Variants in DSP observed in about 807,000 individuals in gnomAD.
DSP encodes the protein desmoplakin, also known as 250/210 kDa paraneoplastic pemphigus antigen.
In DSP, 114 loss-of-function variants were observed where a neutral mutation model predicts 290.6. That is an observed-to-expected ratio of 0.39 (90% CI 0.34 to 0.46). The LOEUF (loss-of-function observed/expected upper bound fraction) is 0.46, where lower values mean the gene tolerates loss of function less well. Among genes scored for constraint, DSP ranks in the 20% least tolerant of loss-of-function variants. The pLI, the probability that DSP is intolerant of heterozygous loss-of-function variation, is 0.99. For synonymous variants in DSP, 1,311 were observed against 1,316.4 expected, an observed-to-expected ratio of 1.00 and a Z score of 0.09; for missense variants, 3,230 against 3,495.8, an observed-to-expected ratio of 0.92 and a Z score of 1.92.
rs927601472 is a variant in DSP at position 7,562,790 on chromosome 6, T to C, written c.726+10T>C. The C allele has an allele frequency of 1.4e-5, 23 of 1,613,836 alleles. No homozygotes were observed. Among genetic ancestry groups the C allele is most frequent in the Non-Finnish European group, 1.9e-5 (23 of 1,179,868 alleles). ...AATCAAAGCCGACCTGGTACTTGTC[T>C]GTGTTTCATTTTAGAGTCTTCAAAA... On this transcript the variant is annotated intron_variant, in intron 5 of 23. Transcript: ENST00000379802.
rs1164816503 is a variant in DSP, at chr6:7,570,335, T to C, written c.1575-102T>C. On this transcript the variant is annotated intron_variant, in intron 12 of 23. Coordinates refer to ENST00000379802, the MANE Select transcript of DSP (RefSeq NM_004415.4). Reference sequence around the variant, plus strand: ...CTCTACCTGTTACTTTATCAGTGACTGTTGTAGGTTTTTGTGCAGTGGTGT... The same window carrying C: ...CTCTACCTGTTACTTTATCAGTGACCGTTGTAGGTTTTTGTGCAGTGGTGT... 8 of 1,550,454 alleles carry C rather than the reference T, an allele frequency of 5.2e-6. No individual in the cohort carries two copies. The East Asian group carries it at 1.6e-4, about 30-fold the overall frequency.
rs148743859 is a variant in DSP at position 7,583,613 on chromosome 6, T to C, written c.6351T>C (p.Asp2117=). Residue 2117 remains aspartate, a synonymous_variant, in exon 24 of 24, where the codon GAT becomes GAC. Coordinates refer to ENST00000379802, the MANE Select transcript of DSP (RefSeq NM_004415.4). This position sits in a 1 kb window ranked among gnomAD's most constrained non-coding sequence, Gnocchi z 4.0. The stretch of plus-strand genomic sequence containing the variant: ...AAGCCATCAAGAAAAATTTGATTGA[T>C]AGAGAAACCGGAATGCGCCTGCTGG... ...VSEAIKKNLI[D]RETGMRLLEA... The C allele has an allele frequency of 1.5e-4, 241 of 1,614,062 alleles. No homozygotes were observed. Among genetic ancestry groups the C allele is most frequent in the Non-Finnish European group, 2.0e-4 (232 of 1,180,040 alleles).
At chr6:7,557,570 C>T (rs545530096) in intron 2 of DSP, among the ~76,000 whole-genome samples, 2 of 152,288 alleles carry the variant, frequency 1.3e-5, no homozygotes, top group South Asian at 4.1e-4. Flanking sequence ...GTCTCAGCTA[C>T]TCAGGAGCCT....
chr6:7,542,220 G>A, intron 1 of DSP, 135 bp downstream of exon 1: 2 of 1,223,652 alleles, frequency 1.6e-6, no homozygotes, highest in African/African-American at 1.5e-5. Flanking sequence ...AGAACTTCCC[G>A]GCCGCGCTGG....
rs759868186 is a variant in DSP at position 7,559,340 on chromosome 6, C to A, written c.537C>A (p.Gly179=). ...GGGYTCQSGS[G]WDEFTKHVTS... is the part of the protein sequence containing the mutation. ...GCTACACTTGTCAGAGTGGCTCTGGCTGGGATGAGTTCACCAAACATGTCA... is the reference window on the plus strand; with the variant it reads ...GCTACACTTGTCAGAGTGGCTCTGGATGGGATGAGTTCACCAAACATGTCA... The change falls in exon 4 of 24, where the codon GGC becomes GGA. Residue 179 remains glycine (G), a synonymous_variant. Transcript: ENST00000379802. 1 of 1,613,460 alleles carries A rather than the reference C, an allele frequency of 6.2e-7. No homozygotes were observed. Among genetic ancestry groups the A allele is most frequent in the East Asian group, 2.2e-5 (1 of 44,892 alleles).
rs1759366083 is a variant in DSP at position 7,579,925 on chromosome 6, A to G, written c.3735A>G (p.Glu1245=). The change falls in exon 23 of 24, where the codon GAA becomes GAG. Residue 1245 remains glutamate, a synonymous_variant. Coordinates refer to ENST00000379802, the MANE Select transcript of DSP (RefSeq NM_004415.4). The surrounding 1 kb of genome is among the most constrained non-coding windows in gnomAD (Gnocchi z 4.1). Reference sequence around the variant, plus strand: ...ACCAGCTTGATAGACTTTCAAGGGAAAATCGAGATCTGAAGGATGAAATTG... The same window carrying G: ...ACCAGCTTGATAGACTTTCAAGGGAGAATCGAGATCTGAAGGATGAAATTG... ...LRNQLDRLSR[E]NRDLKDEIVR... 1 of 1,614,196 alleles carries G rather than the reference A, an allele frequency of 6.2e-7. No homozygotes were observed.
At chr6:7,543,363 T>C (rs1447456636) in intron 1 of DSP, among the ~76,000 whole-genome samples, 3 of 151,822 alleles carry the variant, frequency 2.0e-5, no homozygotes, top group Non-Finnish European at 2.9e-5. Flanking sequence ...CATTTATTTA[T>C]TTATGGGGCA....
chr6:7,570,719 C>G (rs1475671625), intron 13 of DSP, among the ~76,000 whole-genome samples, 156 bp downstream of exon 13: 1 of 152,088 alleles, frequency 6.6e-6, no homozygotes, highest in Non-Finnish European at 1.5e-5. Context: ...CTGGTCTGTC[C>G]AATAGAGAAC....
intron 19 of DSP, 25 bp downstream of exon 19, chr6:7,576,481 A>C: frequency 6.2e-7 from 1 of 1,613,852 alleles, no homozygotes; most frequent in South Asian, 1.1e-5. Flanking sequence ...TTTGTTCCAT[A>C]GCTGTTTTGA....
intron 1 of DSP, among the ~76,000 whole-genome samples, chr6:7,544,727 C>T (rs1021613757): frequency 1.3e-5 from 2 of 152,130 alleles, no homozygotes; most frequent in African/African-American, 2.4e-5. Context: ...GTCCTTTCCA[C>T]GAACAGCACT....
chr6:7,577,683 G>T (rs766232804), intron 20 of DSP, 96 bp from the exon 21 acceptor site: 1 of 1,011,652 alleles, frequency 9.9e-7, no homozygotes, highest in East Asian at 2.4e-5. Flanking sequence ...GCAATTAGAC[G>T]TGCAGCCCAA....
In DSP at chr6:7,580,879, G is replaced by C. The variant is rs763150071; in HGVS notation, c.4689G>C (p.Leu1563=). The C allele has an allele frequency of 3.1e-6, 5 of 1,614,168 alleles. No individual in the cohort carries two copies. Among genetic ancestry groups the C allele is most frequent in the Non-Finnish European group, 4.2e-6 (5 of 1,180,050 alleles). Residue 1563 remains leucine (L), a synonymous_variant, in exon 23 of 24, where the codon CTG becomes CTC. Transcript: ENST00000379802. This position sits in a 1 kb window ranked among gnomAD's most constrained non-coding sequence, Gnocchi z 4.2. The part of the protein sequence containing the change: ...DQDITRFQNS[L]KELQLQKQKV... ...ATATCACGCGGTTCCAGAACTCTCTGAAAGAGCTGCAGCTGCAGAAGCAGA... is the reference window on the plus strand; with the variant it reads ...ATATCACGCGGTTCCAGAACTCTCTCAAAGAGCTGCAGCTGCAGAAGCAGA...
In DSP at chr6:7,581,508, T is replaced by C. The variant is rs2113696090; in HGVS notation, c.5318T>C (p.Leu1773Ser). 1 of 1,614,074 alleles carries C rather than the reference T, an allele frequency of 6.2e-7. No individual in the cohort carries two copies. Among genetic ancestry groups the C allele is most frequent in the Non-Finnish European group, 8.5e-7 (1 of 1,180,020 alleles). Reference sequence around the variant, plus strand: ...GAACTGCAGGGGCTGATTAATGATTTACAGAGAGAGAGGGAAAATTTGAGA... The same window carrying C: ...GAACTGCAGGGGCTGATTAATGATTCACAGAGAGAGAGGGAAAATTTGAGA... The part of the protein sequence containing the change: ...TLELQGLIND[L>S]QRERENLRQE... Residue 1773 changes from leucine (L) to serine (S), a missense_variant, in exon 23 of 24, where the codon TTA becomes TCA. Physicochemically the swap from Leu to Ser is moderately radical, Grantham distance 145. This residue lies in a region of DSP where 1,714 missense variants were observed against 1,844.5 expected (regional missense o/e 0.93). Coordinates refer to ENST00000379802, the MANE Select transcript of DSP (RefSeq NM_004415.4).
intron 1 of DSP, among the ~76,000 whole-genome samples, chr6:7,547,189 A>G (rs10901009): frequency 0.017 from 2,524 of 152,156 alleles, 63 homozygotes; most frequent in African/African-American, 0.057. Flanking sequence ...GAAAACGTTC[A>G]GATGTGGTTC....
Position 7,568,582 on chromosome 6 carries a change from A to G in DSP, c.1412A>G (p.Gln471Arg), listed in dbSNP as rs771927347. Residue 471 changes from glutamine to arginine, a missense_variant, in exon 11 of 24, where the codon CAA (glutamine) becomes CGA (arginine). Gln to Arg is a conservative substitution (Grantham distance 43). Coordinates refer to ENST00000379802, the MANE Select transcript of DSP (RefSeq NM_004415.4). ...CTCAGAGCTCTCTGTGACTACAAAC[A>G]AGATCAGGTGTGTACTCATTTAGAA... is the stretch of plus-strand genomic sequence containing the variant. Reference protein sequence around the residue: ...IILRALCDYKQDQKIVHKGDE... With the variant: ...IILRALCDYKRDQKIVHKGDE... 6.2e-6 allele frequency: 10 copies of G among 1,613,788 alleles called. No homozygotes were observed. The highest frequency in any genetic ancestry group is 8.5e-6 in the Non-Finnish European group (10 of 1,180,016).
In DSP at chr6:7,576,267, G is replaced by T. The variant is rs762652174; in HGVS notation, c.2631-27G>T. The T allele has an allele frequency of 6.8e-6, 11 of 1,610,646 alleles. No individual in the cohort carries two copies. The African/African-American group carries it at 8.0e-5, about 12-fold the overall frequency. ...ATATTTTAGGAACTAATAAGATAAT[G>T]ATTTTATTGTATCTATTTCCCCCCA... is the stretch of plus-strand genomic sequence containing the variant. On this transcript the variant is annotated intron_variant, in intron 18 of 23. Coordinates refer to ENST00000379802, the MANE Select transcript of DSP (RefSeq NM_004415.4).
rs372014020 is a variant in DSP at position 7,569,249 on chromosome 6, G to C, written c.1483G>C (p.Val495Leu). ...CAACAACGAGCGCAGCAAGTGGTAC[G>C]TGACGGGCCCGGGAGGCGTTGACAT... is the stretch of plus-strand genomic sequence containing the variant. ...KDNNERSKWY[V>L]TGPGGVDMLV... Residue 495 changes from valine (V) to leucine (L), a missense_variant, in exon 12 of 24, where the codon GTG (valine) becomes CTG (leucine). Coordinates refer to ENST00000379802, the MANE Select transcript of DSP (RefSeq NM_004415.4). 6.2e-7 allele frequency: 1 copy of C among 1,614,198 alleles called. No individual in the cohort carries two copies. The highest frequency in any genetic ancestry group is 8.5e-7 in the Non-Finnish European group (1 of 1,180,020).
rs546840147 is a variant in DSP at position 7,568,361 on chromosome 6, A to G, written c.1267-76A>G. On this transcript the variant is annotated intron_variant, in intron 10 of 23. Coordinates refer to ENST00000379802, the MANE Select transcript of DSP (RefSeq NM_004415.4). ...GATACTCAGTGTGTCATGTAGCTAC[A>G]TTAATGCAGGTTGAAAATCTCCTCT... 5.0e-5 allele frequency: 76 copies of G among 1,522,712 alleles called. No homozygotes were observed. The Middle Eastern group carries it at 1.2e-3, about 24-fold the overall frequency. The allele number at this position is 1,522,712 out of a possible 1,614,324, so 94.3% of individuals were successfully genotyped here. A position where few individuals can be genotyped will look rare whatever the true frequency, so the allele number is the denominator to read the frequency against.
chr6:7,550,265 G>A (rs1758299926), intron 1 of DSP, among the ~76,000 whole-genome samples: 1 of 151,086 alleles, frequency 6.6e-6, no homozygotes, highest in Admixed American at 6.6e-5. Context: ...ATGTTGCCCA[G>A]GCTGATCTTA....
Sources: gnomAD v4.1 joint callset for allele counts (sites outside exome capture counted in the v4.1 genomes callset) on GRCh38, gnomAD v4.1.1 for gene constraint, gnomAD v4.1.1 regional missense constraint, Gnocchi (gnomAD v3.1) non-coding constraint, MANE v1.5 for transcripts, NCBI Gene and HGNC (gene_info 2026-07-23, HGNC 2026-07-21) for gene names.